CCND3: variants seen among roughly 807,000 people sequenced by gnomAD.
The protein encoded by CCND3 is G1/S-specific cyclin-D3.
A neutral mutation model predicts 28.7 loss-of-function variants in CCND3; 9 were observed. The observed-to-expected ratio is 0.31, with a 90% CI of 0.19 to 0.55. The LOEUF (loss-of-function observed/expected upper bound fraction) is 0.55, where lower values mean the gene tolerates loss of function less well. Ranked by LOEUF, CCND3 falls within the 20% of genes least tolerant of loss-of-function variation. CCND3 has a pLI of 0.93. For missense variants in CCND3, 315 were observed against 385.8 expected, an observed-to-expected ratio of 0.82 and a Z score of 1.54; for synonymous variants, 164 against 163.9, an observed-to-expected ratio of 1.00 and a Z score of 0.00.
chr6:41,964,327 TG>T (rs1387329018), intron 1 of CCND3, among the ~76,000 whole-genome samples: 7 of 96,678 alleles, frequency 7.2e-5, no homozygotes, highest in Non-Finnish European at 8.1e-5. Flanking sequence ...TCTGTGTGTG[TG>T]AATGTGTGTG....
intron 1 of CCND3, among the ~76,000 whole-genome samples, chr6:41,957,031 AAAACAAAC>A (rs368447729): frequency 3.9e-5 from 6 of 152,202 alleles, no homozygotes; most frequent in African/African-American, 7.2e-5. Flanking sequence ...ACTCCGTCTC[AAAACAAAC>A]AAACAAACAA....
At chr6:41,997,422 G>A (rs1179185422) in intron 1 of CCND3, among the ~76,000 whole-genome samples, 2 of 152,168 alleles carry the variant, frequency 1.3e-5, no homozygotes, top group African/African-American at 4.8e-5. Flanking sequence ...GAAGATGTGA[G>A]TAGTGGGAAA....
intron 1 of CCND3, among the ~76,000 whole-genome samples, chr6:42,023,157 G>A (rs988202251): frequency 3.9e-5 from 6 of 152,230 alleles, no homozygotes; most frequent in Non-Finnish European, 7.3e-5. Flanking sequence ...GTGGGACAGG[G>A]CAGTGCTCTG....
At chr6:41,980,434 C>T (rs139829549) in intron 1 of CCND3, among the ~76,000 whole-genome samples, 27 of 152,226 alleles carry the variant, frequency 1.8e-4, no homozygotes, top group African/African-American at 6.3e-4. Flanking sequence ...CTGCACCTGG[C>T]CTTACTGGAA....
intron 1 of CCND3, among the ~76,000 whole-genome samples, chr6:41,964,349 T>G (rs900431018): frequency 2.0e-5 from 3 of 149,944 alleles, no homozygotes; most frequent in East Asian, 3.9e-4. Flanking sequence ...TGAATGTGTG[T>G]GAGTCTGTGT....
rs748453178 is a variant in CCND3, at chr6:41,940,476, C to G, written c.308G>C (p.Gly103Ala). The G allele has an allele frequency of 6.2e-7, 1 of 1,614,084 alleles. No individual in the cohort carries two copies. The highest frequency in any genetic ancestry group is 2.2e-5 in the East Asian group (1 of 44,874). The change falls in exon 2 of 5, where the codon GGT becomes GCT. Residue 103 changes from glycine to alanine, a missense_variant. Physicochemically the swap from Gly to Ala is moderately conservative, Grantham distance 60. Transcript: ENST00000372991. Reference sequence around the variant, plus strand: ...GGAGGCCAGCAGCATGCAGACCGCACCCAGGAGCTGCAACTGCGCCTTTCG... The same window carrying G: ...GGAGGCCAGCAGCATGCAGACCGCAGCCAGGAGCTGCAACTGCGCCTTTCG... ...PTRKAQLQLL[G>A]AVCMLLASKL... is the part of the protein sequence containing the mutation.
chr6:41,973,131 C>T lies in CCND3; in HGVS notation c.-45-32546G>A, dbSNP rs1294248214. 2.6e-5 allele frequency among the ~76,000 whole-genome samples: 4 copies of T among 152,052 alleles called. No homozygotes were observed. The South Asian group carries it at 8.3e-4, about 31-fold the overall frequency. On this transcript the variant is annotated intron_variant, in intron 1 of 4. Transcript: ENST00000372988. ...TTACAGTTATTTCTGAAATGCATCC[C>T]CAAATTTTCTGTCTCAGCAGGCAAT...
rs531442778 is a variant in CCND3, at chr6:42,048,631, C to T, written c.-176G>A. 9 of 516,518 alleles carry T rather than the reference C, an allele frequency of 1.7e-5. No homozygotes were observed. Among genetic ancestry groups the T allele is most frequent in the African/African-American group, 3.8e-5 (2 of 51,954 alleles). 32.0% of individuals were successfully genotyped at this position (516,518 alleles called of 1,614,324 possible). A position where few individuals can be genotyped will look rare whatever the true frequency, so the allele number is the denominator to read the frequency against. On this transcript the variant is annotated 5_prime_UTR_variant, in exon 1 of 5. Transcript: ENST00000372988. The surrounding 1 kb of genome is among the most constrained non-coding windows in gnomAD (Gnocchi z 4.7). ...GCCGCGAGGAGAGGATTGCACCTCT[C>T]CCCCCCGGCCGGCATCCGAACAGAG...
At chr6:42,040,087 CAT>C (rs1421074095) in intron 1 of CCND3, among the ~76,000 whole-genome samples, 1 of 152,228 alleles carries the variant, frequency 6.6e-6, no homozygotes, top group African/African-American at 2.4e-5. Context: ...GGTGGATACA[CAT>C]GTGCACACAC....
intron 1 of CCND3, among the ~76,000 whole-genome samples, chr6:41,973,746 G>C (rs186960661): frequency 6.6e-6 from 1 of 152,132 alleles, no homozygotes; most frequent in Admixed American, 6.6e-5. Context: ...ATCCTGGTTC[G>C]GTCACTTTCT....
At chr6:41,985,304 CTTTTTTTTTTTTTTTTT>C (rs56672487) in intron 1 of CCND3, among the ~76,000 whole-genome samples, 3 of 53,284 alleles carry the variant, frequency 5.6e-5, no homozygotes, top group African/African-American at 2.3e-4. Context: ...CAGTTCAAGT[CTTTTTTTTTTTTTTTTT>C]TTTTTTTTTG....
chr6:41,964,362 GTA>G (rs1329228903), intron 1 of CCND3, among the ~76,000 whole-genome samples: 6 of 147,144 alleles, frequency 4.1e-5, no homozygotes, highest in Admixed American at 2.7e-4. Context: ...GTCTGTGTGT[GTA>G]TGTGTGAATG....
intron 1 of CCND3, chr6:42,047,966 G>A (rs77303819): frequency 0.16 from 25,003 of 152,550 alleles, 2,432 homozygotes; most frequent in South Asian, 0.24. Context: ...CATAGTAGGT[G>A]TTCAATCAAT....
chr6:41,999,665 C>T (rs1397955738), intron 1 of CCND3, among the ~76,000 whole-genome samples: 2 of 152,034 alleles, frequency 1.3e-5, no homozygotes, highest in Non-Finnish European at 2.9e-5. Context: ...GAAGCCAAGG[C>T]TGGAGGATCA....
intron 1 of CCND3, among the ~76,000 whole-genome samples, chr6:42,004,258 C>T (rs1357935570): frequency 1.3e-5 from 2 of 151,774 alleles, no homozygotes; most frequent in African/African-American, 4.8e-5. Flanking sequence ...AGCCACAGTT[C>T]CTGGTCCAAA....
At chr6:41,987,505 CTCTCTCTCTCTCTGTGTGTGTGTGTG>C (rs1270272945) in intron 1 of CCND3, among the ~76,000 whole-genome samples, 10 of 94,920 alleles carry the variant, frequency 1.1e-4, no homozygotes, top group Non-Finnish European at 1.7e-4. Flanking sequence ...CTCTCTCTCT[CTCTCTCTCTCTCTGTGTGTGTGTGTG>C]TGTGTGTGTG....
chr6:41,953,377 G>T (rs1776363761), intron 1 of CCND3, among the ~76,000 whole-genome samples: 1 of 152,038 alleles, frequency 6.6e-6, no homozygotes, highest in Non-Finnish European at 1.5e-5. Flanking sequence ...CCTTGACTCT[G>T]GGAGCTTTTC....
intron 1 of CCND3, among the ~76,000 whole-genome samples, chr6:42,015,370 C>A (rs1289510788): frequency 6.6e-6 from 1 of 152,048 alleles, no homozygotes; most frequent in African/African-American, 2.4e-5. Context: ...TATACATTAC[C>A]TCATTCAGGT....
At chr6:41,970,669 T>A (rs923525395) in intron 1 of CCND3, among the ~76,000 whole-genome samples, 3 of 152,182 alleles carry the variant, frequency 2.0e-5, no homozygotes, top group African/African-American at 7.2e-5. Flanking sequence ...CATCCTTCCC[T>A]CTTCACCAAA....
Sources: allele counts gnomAD v4.1 joint callset (sites outside exome capture counted in the v4.1 genomes callset), GRCh38; gene constraint gnomAD v4.1.1; non-coding constraint Gnocchi (gnomAD v3.1); transcripts MANE v1.5; gene names NCBI Gene and HGNC (gene_info 2026-07-23, HGNC 2026-07-21).